Variants in WWOX observed in about 807,000 individuals in gnomAD.
The protein encoded by WWOX is WW domain-containing oxidoreductase.
In WWOX, 69 loss-of-function variants were observed where a neutral mutation model predicts 46.2. The ratio of observed to expected loss-of-function variants is 1.49; its 90% confidence interval spans 1.23 to 1.82. The LOEUF is 1.82. WWOX is among the 40% of genes most tolerant of loss of function. The probability of loss-of-function intolerance (pLI) is 0.00; values close to 1 mark genes in which losing one functional copy is unlikely to be tolerated. For synonymous variants in WWOX, 359 were observed against 202.6 expected (o/e 1.77, Z -6.56); for missense variants, 919 against 542.6 (o/e 1.69, Z -6.89).
chr16:78,352,747 A>G (rs2151907302), intron 5 of WWOX, among the ~76,000 whole-genome samples: 1 of 152,272 alleles, frequency 6.6e-6, no homozygotes, highest in South Asian at 2.1e-4. Context: ...GGCATTCCAC[A>G]TACAGCAGTA....
intron 8 of WWOX, among the ~76,000 whole-genome samples, chr16:78,523,415 G>C (rs1417871057): frequency 1.3e-5 from 2 of 152,188 alleles, no homozygotes; most frequent in African/African-American, 4.8e-5. Flanking sequence ...ACAGCTATCA[G>C]TAACAATGCC....
intron 8 of WWOX, among the ~76,000 whole-genome samples, chr16:78,506,945 C>T (rs987603180): frequency 4.6e-5 from 7 of 152,186 alleles, no homozygotes; most frequent in Non-Finnish European, 8.8e-5. Flanking sequence ...AACTCCTGAC[C>T]TCAAGTGATC....
intron 8 of WWOX, among the ~76,000 whole-genome samples, chr16:78,977,904 C>T (rs919423752): frequency 1.3e-5 from 2 of 152,212 alleles, no homozygotes; most frequent in Non-Finnish European, 2.9e-5. Flanking sequence ...GTGAAATTCA[C>T]ATAATATAAG....
intron 8 of WWOX, among the ~76,000 whole-genome samples, chr16:79,098,244 C>T (rs182430654): frequency 5.6e-4 from 86 of 152,286 alleles, no homozygotes; most frequent in African/African-American, 2.0e-3. Context: ...AAGCTCTAAG[C>T]AGAGGCACAG....
At chr16:78,391,893 T>G (rs7199370) in intron 6 of WWOX, among the ~76,000 whole-genome samples, 141,201 of 152,054 alleles carry the variant, frequency 0.93, 65,809 homozygotes, top group African/African-American at 0.98. Context: ...AAACATTTCT[T>G]TTGTGCCTCC....
chr16:78,652,326 T>C (rs1164461229), intron 8 of WWOX, among the ~76,000 whole-genome samples: 2 of 149,732 alleles, frequency 1.3e-5, no homozygotes, highest in Admixed American at 1.3e-4. Flanking sequence ...GGAGAATCAC[T>C]TGAACCCGGG....
At chr16:78,464,156 T>G (rs2151426546) in intron 8 of WWOX, among the ~76,000 whole-genome samples, 1 of 152,218 alleles carries the variant, frequency 6.6e-6, no homozygotes, top group South Asian at 2.1e-4. Flanking sequence ...GACCTAATGC[T>G]TATTGCTTAA....
intron 8 of WWOX, among the ~76,000 whole-genome samples, chr16:78,651,291 A>G (rs764614686): frequency 6.6e-6 from 1 of 152,266 alleles, no homozygotes; most frequent in Non-Finnish European, 1.5e-5. Context: ...TGCGAGCGAG[A>G]GAGCCCTGAG....
chr16:78,546,573 C>G (rs1051332392), intron 8 of WWOX, among the ~76,000 whole-genome samples: 3 of 152,176 alleles, frequency 2.0e-5, no homozygotes, highest in South Asian at 2.1e-4. Flanking sequence ...AATTAATTCT[C>G]AAAACTTCTG....
At chr16:78,171,207 C>T (rs1414774195) in intron 5 of WWOX, among the ~76,000 whole-genome samples, 6 of 152,078 alleles carry the variant, frequency 3.9e-5, no homozygotes, top group Non-Finnish European at 7.4e-5. Flanking sequence ...TTTTCCCTGC[C>T]GGGAAACTGC....
At chr16:78,999,707 G>T (rs1198511979) in intron 8 of WWOX, among the ~76,000 whole-genome samples, 1 of 152,144 alleles carries the variant, frequency 6.6e-6, no homozygotes, top group Non-Finnish European at 1.5e-5. Flanking sequence ...GTCTAAGAGA[G>T]TTCTTGTGAA....
At chr16:78,122,891 C>T (rs1300580423) in intron 4 of WWOX, among the ~76,000 whole-genome samples, 1 of 152,150 alleles carries the variant, frequency 6.6e-6, no homozygotes, top group Admixed American at 6.5e-5. Context: ...AGACACTAGC[C>T]ACCATGCCCG....
intron 8 of WWOX, among the ~76,000 whole-genome samples, chr16:79,210,218 C>T (rs750608412): frequency 1.3e-5 from 2 of 152,210 alleles, no homozygotes; most frequent in South Asian, 2.1e-4. Flanking sequence ...GATATCCTGA[C>T]ACTGAAGAAG....
chr16:79,004,584 C>G (rs925760454), intron 8 of WWOX: 2 of 152,282 alleles, frequency 1.3e-5, no homozygotes, highest in African/African-American at 4.8e-5. Flanking sequence ...AGGCCTCTGG[C>G]TTGCAGGTTC....
chr16:79,095,268 A>G (rs528361014), intron 8 of WWOX, among the ~76,000 whole-genome samples: 1 of 152,276 alleles, frequency 6.6e-6, no homozygotes, highest in East Asian at 1.9e-4. Flanking sequence ...GACAGAAGAG[A>G]TGGAAAAATG....
intron 5 of WWOX, among the ~76,000 whole-genome samples, chr16:78,213,921 G>A (rs546090850): frequency 2.2e-4 from 34 of 152,138 alleles, no homozygotes; most frequent in Admixed American, 1.3e-3. Context: ...AGACCTGTCC[G>A]GGGTGTGAGC....
At chr16:78,846,744 T>C (rs2052308998) in intron 8 of WWOX, among the ~76,000 whole-genome samples, 2 of 152,174 alleles carry the variant, frequency 1.3e-5, no homozygotes, top group African/African-American at 4.8e-5. Context: ...TTGGGACTAC[T>C]TCTCAAATTT....
At chr16:78,708,540 T>G (rs967212462) in intron 8 of WWOX, among the ~76,000 whole-genome samples, 35 of 152,180 alleles carry the variant, frequency 2.3e-4, no homozygotes, top group African/African-American at 8.4e-4. Flanking sequence ...CTCTGTTGCT[T>G]ATCATGACAA....
At chr16:78,425,164 G>T in intron 7 of WWOX, 109 bp downstream of exon 7, 1 of 1,440,544 alleles carries the variant, frequency 6.9e-7, no homozygotes, top group Admixed American at 1.8e-5. Flanking sequence ...CTTGAGACAT[G>T]TGGGTGGACT....
Sources: allele counts gnomAD v4.1 joint callset (sites outside exome capture counted in the v4.1 genomes callset), GRCh38; gene constraint gnomAD v4.1.1; transcripts MANE v1.5; gene names NCBI Gene and HGNC (gene_info 2026-07-23, HGNC 2026-07-21).